MAD1L1: variants seen among roughly 807,000 people sequenced by gnomAD.
The protein encoded by MAD1L1 is mitotic spindle assembly checkpoint protein MAD1.
A neutral mutation model predicts 96.9 loss-of-function variants in MAD1L1; 95 were observed. The ratio of observed to expected loss-of-function variants is 0.98; its 90% CI spans 0.83 to 1.16. The LOEUF is 1.16. Ranked by LOEUF, MAD1L1 falls within the 50% of genes most tolerant of loss-of-function variation. The pLI, the probability that MAD1L1 is intolerant of heterozygous loss-of-function variation, is 0.00. For missense variants in MAD1L1, 1,007 were observed against 954.4 expected (o/e 1.06, Z -0.73); for synonymous variants, 473 against 396.6 (o/e 1.19, Z -2.29).
chr7:2,044,614 C>G (rs564105055), intron 12 of MAD1L1, among the ~76,000 whole-genome samples: 1 of 152,324 alleles, frequency 6.6e-6, no homozygotes, highest in East Asian at 1.9e-4. Context: ...CCTGAGTACA[C>G]ATGAAGTCCC....
intron 17 of MAD1L1, among the ~76,000 whole-genome samples, chr7:1,904,446 C>T (rs1244652868): frequency 3.6e-5 from 5 of 140,260 alleles, no homozygotes; most frequent in African/African-American, 1.2e-4. Context: ...GATGCTCTTG[C>T]GGAACTCATA....
At chr7:2,117,020 A>T (rs1177006920) in intron 11 of MAD1L1, among the ~76,000 whole-genome samples, 1 of 152,220 alleles carries the variant, frequency 6.6e-6, no homozygotes, top group Non-Finnish European at 1.5e-5. Flanking sequence ...GGAGCTCCCA[A>T]TGCAGCAGGA....
intron 14 of MAD1L1, among the ~76,000 whole-genome samples, chr7:2,001,653 C>T (rs375387878): frequency 3.9e-5 from 6 of 152,240 alleles, no homozygotes; most frequent in East Asian, 1.9e-4. Context: ...GCCCAAGCCC[C>T]GGCTGAGGCA....
chr7:2,092,874 A>G (rs984910551), intron 11 of MAD1L1, among the ~76,000 whole-genome samples: 1 of 152,138 alleles, frequency 6.6e-6, no homozygotes, highest in Non-Finnish European at 1.5e-5. Flanking sequence ...CCCAGGGCAC[A>G]CAGATTTGCT....
At chr7:2,068,632 T>C (rs1434631284) in intron 12 of MAD1L1, among the ~76,000 whole-genome samples, 2 of 151,982 alleles carry the variant, frequency 1.3e-5, no homozygotes, top group African/African-American at 4.8e-5. Context: ...CTTCTGAAAT[T>C]TCAGTGCCCA....
At chr7:2,003,945 G>T (rs1034306920) in intron 13 of MAD1L1, among the ~76,000 whole-genome samples, 9 of 152,222 alleles carry the variant, frequency 5.9e-5, no homozygotes, top group Non-Finnish European at 8.8e-5. Flanking sequence ...GGGAACGGCA[G>T]ATGGAAGAGG....
At chr7:2,191,684 T>C (rs1001056178) in intron 10 of MAD1L1, among the ~76,000 whole-genome samples, 3 of 152,036 alleles carry the variant, frequency 2.0e-5, no homozygotes, top group Non-Finnish European at 4.4e-5. Flanking sequence ...TAAGCCATGA[T>C]TGTGCCACTA....
At chr7:1,950,872 A>G (rs910528897) in intron 16 of MAD1L1, among the ~76,000 whole-genome samples, 1 of 152,254 alleles carries the variant, frequency 6.6e-6, no homozygotes, top group Non-Finnish European at 1.5e-5. Context: ...CTCACAGCAC[A>G]TCGCCTGCCC....
chr7:2,216,740 T>C (rs1024717158), intron 7 of MAD1L1, among the ~76,000 whole-genome samples: 11 of 152,150 alleles, frequency 7.2e-5, no homozygotes, highest in Admixed American at 7.2e-4. Flanking sequence ...CTCATTTTGC[T>C]GTGAACCTAA....
rs186629741 is a variant in MAD1L1, at chr7:2,091,242, C to T, written c.1074-21904G>A. Among the ~76,000 whole-genome samples the T allele has an allele frequency of 3.7e-4, 57 of 152,306 alleles. No individual in the cohort carries two copies. The East Asian group carries it at 6.0e-3, about 16-fold the overall frequency. On this transcript the variant is annotated intron_variant, in intron 11 of 18. Coordinates refer to ENST00000265854, the MANE Select transcript of MAD1L1 (RefSeq NM_001013836.2). ...CTAAAACCAGGTATCTTTCCAAAGACGCCCAGGTCCTCCTACCGAGAACAG... is the reference window on the plus strand; with the variant it reads ...CTAAAACCAGGTATCTTTCCAAAGATGCCCAGGTCCTCCTACCGAGAACAG...
intron 17 of MAD1L1, 101 bp downstream of exon 17, chr7:1,936,586 G>A (rs543114303): frequency 4.9e-6 from 6 of 1,234,790 alleles, no homozygotes; most frequent in Admixed American, 2.2e-5. Context: ...AACCCTCTGG[G>A]GATGACAGGC....
chr7:2,054,820 G>A (rs1784321128), intron 12 of MAD1L1, among the ~76,000 whole-genome samples: 1 of 152,228 alleles, frequency 6.6e-6, no homozygotes, highest in Non-Finnish European at 1.5e-5. Flanking sequence ...ACAAAGCAAG[G>A]TCTGAAGCTG....
intron 12 of MAD1L1, among the ~76,000 whole-genome samples, chr7:2,051,627 T>C (rs904315338): frequency 6.9e-6 from 1 of 144,062 alleles, no homozygotes; most frequent in Admixed American, 7.0e-5. Context: ...CACCTTGCTG[T>C]CCCCCACCTC....
chr7:2,105,941 C>T (rs956145067), intron 11 of MAD1L1, among the ~76,000 whole-genome samples: 3 of 152,088 alleles, frequency 2.0e-5, no homozygotes, highest in Non-Finnish European at 2.9e-5. Flanking sequence ...CAGCTGCGGC[C>T]CCACAACCAA....
Position 1,917,268 on chromosome 7 carries a change from C to T in MAD1L1, c.1808-18878G>A, listed in dbSNP as rs142044602. ...ACTGCCAGCACATGGGCCTCCCGCT[C>T]GGCTGCCCACCTAGCATGCAGACCA... is the stretch of plus-strand genomic sequence containing the variant. On this transcript the variant is annotated intron_variant, in intron 17 of 18. Coordinates refer to ENST00000265854, the MANE Select transcript of MAD1L1 (RefSeq NM_001013836.2). 3.9e-3 allele frequency among the ~76,000 whole-genome samples: 599 copies of T among 152,304 alleles called. 5 individuals carry two copies. The highest frequency in any genetic ancestry group is 0.013 in the African/African-American group (549 of 41,560).
At position 2,218,018 on chromosome 7, in the gene MAD1L1, T is replaced by C; in HGVS notation, c.622A>G (p.Ile208Val). The C allele has an allele frequency of 6.2e-7, 1 of 1,614,132 alleles. No individual in the cohort carries two copies. The highest frequency in any genetic ancestry group is 8.5e-7 in the Non-Finnish European group (1 of 1,179,974). Reference sequence around the variant, plus strand: ...TCTTGGCTGGCCTGGAGTTCCTGGATTTTCTGATTGGCTTCCTGGCATTTT... The same window carrying C: ...TCTTGGCTGGCCTGGAGTTCCTGGACTTTCTGATTGGCTTCCTGGCATTTT... ...HKKCQEANQK[I>V]QELQASQEAR... The change falls in exon 7 of 19, where the codon ATC becomes GTC. Residue 208 changes from isoleucine to valine, a missense_variant. Transcript: ENST00000265854.
intron 15 of MAD1L1, among the ~76,000 whole-genome samples, chr7:1,972,872 C>T (rs948490294): frequency 3.9e-5 from 6 of 152,124 alleles, no homozygotes; most frequent in African/African-American, 1.4e-4. Flanking sequence ...CATTATTGCC[C>T]AGTGTACTTA....
chr7:1,871,723 C>T (rs1343896143), intron 18 of MAD1L1, among the ~76,000 whole-genome samples: 1 of 150,996 alleles, frequency 6.6e-6, no homozygotes, highest in Non-Finnish European at 1.5e-5. Flanking sequence ...CAACATACAC[C>T]TGCCACGCTG....
intron 12 of MAD1L1, among the ~76,000 whole-genome samples, chr7:2,028,019 G>A (rs1303229480): frequency 6.6e-6 from 1 of 152,104 alleles, no homozygotes; most frequent in African/African-American, 2.4e-5. Context: ...AATAATCAAA[G>A]TCCAATTAGA....
Sources: gnomAD v4.1 joint callset for allele counts (sites outside exome capture counted in the v4.1 genomes callset) on GRCh38, gnomAD v4.1.1 for gene constraint, MANE v1.5 for transcripts, NCBI Gene and HGNC (gene_info 2026-07-23, HGNC 2026-07-21) for gene names.